C2CD3: variants seen among roughly 807,000 people sequenced by gnomAD.
The protein encoded by C2CD3 is C2 domain-containing protein 3.
A neutral mutation model predicts 234.0 loss-of-function variants in C2CD3; 148 were observed. That is an observed-to-expected ratio of 0.63 (90% CI 0.55 to 0.72). The LOEUF (loss-of-function observed/expected upper bound fraction) is 0.72, where lower values mean the gene tolerates loss of function less well. C2CD3 is among the 30% of genes least tolerant of loss of function. The pLI, the probability that C2CD3 is intolerant of heterozygous loss-of-function variation, is 0.00. For synonymous variants in C2CD3, 1,000 were observed against 1,035.4 expected (o/e 0.97, Z 0.66); for missense variants, 2,577 against 2,811.5 (o/e 0.92, Z 1.89).
Position 74,170,969 on chromosome 11 carries a change from A to G in C2CD3, c.-177T>C. 7.0e-7 allele frequency: 1 copy of G among 1,427,470 alleles called. No homozygotes were observed. The highest frequency in any genetic ancestry group is 1.4e-5 in the African/African-American group (1 of 69,844). 88.4% of individuals were successfully genotyped at this position (1,427,470 alleles called of 1,614,324 possible). A position where few individuals can be genotyped will look rare whatever the true frequency, so the allele number is the denominator to read the frequency against. ...AGTCTCCGGAAAACGGTGCGAAGAG[A>G]AGGCGCCAAGACGCCTTCCCTCCAA... On this transcript the variant is annotated 5_prime_UTR_variant, in exon 1 of 33. Transcript: ENST00000334126.
At chr11:74,144,204 T>C (rs1855004991) in intron 3 of C2CD3, among the ~76,000 whole-genome samples, 1 of 152,200 alleles carries the variant, frequency 6.6e-6, no homozygotes, top group Admixed American at 6.5e-5. Context: ...ACAAATTGGG[T>C]CCTTCTTATC....
At chr11:74,056,245 AAAC>A (rs1953943995) in intron 25 of C2CD3, among the ~76,000 whole-genome samples, 1 of 152,244 alleles carries the variant, frequency 6.6e-6, no homozygotes, top group Non-Finnish European at 1.5e-5. Context: ...GACAAGAATT[AAAC>A]TTTATAAAAG....
chr11:74,134,289 T>C (rs184615406), intron 5 of C2CD3, among the ~76,000 whole-genome samples: 45 of 152,354 alleles, frequency 3.0e-4, no homozygotes, highest in African/African-American at 1.0e-3. Flanking sequence ...CCTATGCTTT[T>C]AATTGCTATA....
In C2CD3 at chr11:74,114,732, T is replaced by C; in HGVS notation, c.1521-139A>G. 4 of 628,064 alleles carry C rather than the reference T, an allele frequency of 6.4e-6. No individual in the cohort carries two copies. In the South Asian group the frequency reaches 7.8e-5, roughly 12 times the overall value. The allele number at this position is 628,064 out of a possible 1,614,324, so 38.9% of individuals were successfully genotyped here. A position where few individuals can be genotyped will look rare whatever the true frequency, so the allele number is the denominator to read the frequency against. ...TATTTTTATTTTTGACACAGGGTGT[T>C]GCTCTGTCACCCAGGCTGGAGTGCA... On this transcript the variant is annotated intron_variant, in intron 9 of 32. Coordinates refer to ENST00000334126, the MANE Select transcript of C2CD3 (RefSeq NM_001286577.2).
At chr11:74,014,233 C>A (rs1471788075) in intron 32 of C2CD3, among the ~76,000 whole-genome samples, 1 of 152,180 alleles carries the variant, frequency 6.6e-6, no homozygotes, top group Non-Finnish European at 1.5e-5. Context: ...GAAAGCCATC[C>A]CAGACAGCTG....
Position 74,044,143 on chromosome 11 carries a change from CCTTTATATGTTCTAGATATAAGAT to C in C2CD3, c.5496-1949_5496-1926del, listed in dbSNP as rs531672341. Among the ~76,000 whole-genome samples, 208 of 152,020 alleles carry C rather than the reference CCTTTATATGTTCTAGATATAAGAT, an allele frequency of 1.4e-3. 3 individuals are homozygous for C. Among genetic ancestry groups the C allele is most frequent in the African/African-American group, 4.2e-3 (176 of 41,536 alleles). On this transcript the variant is annotated intron_variant, in intron 28 of 32. Coordinates refer to ENST00000334126, the MANE Select transcript of C2CD3 (RefSeq NM_001286577.2). ...AGGTGTGAGCCACTGCACCCAGTCC[CCTTTATATGTTCTAGATATAAGAT>C]CTATAACTGGCCGGGCACAGTGGCT...
At chr11:74,016,172 T>C (rs958551998) in intron 32 of C2CD3, among the ~76,000 whole-genome samples, 2 of 152,208 alleles carry the variant, frequency 1.3e-5, no homozygotes, top group African/African-American at 4.8e-5. Flanking sequence ...GCAGACGTGG[T>C]TCCTGTTGTC....
At position 74,115,193 on chromosome 11, in the gene C2CD3, T is replaced by TAC. The variant is rs565127325; in HGVS notation, c.1521-602_1521-601dup. Among the ~76,000 whole-genome samples the TAC allele has an allele frequency of 5.1e-3, 762 of 150,440 alleles. 7 individuals are homozygous for TAC. The highest frequency in any genetic ancestry group is 0.015 in the South Asian group (71 of 4,794). ...AATTTAAAAATACTATATAGATATA[T>TAC]ACACACACACACACACATACATACA... On this transcript the variant is annotated intron_variant, in intron 9 of 32. Coordinates refer to ENST00000334126, the MANE Select transcript of C2CD3 (RefSeq NM_001286577.2).
intron 20 of C2CD3, among the ~76,000 whole-genome samples, chr11:74,087,815 G>C (rs1164858401): frequency 1.3e-5 from 2 of 152,146 alleles, no homozygotes; most frequent in East Asian, 3.9e-4. Context: ...TAGTGAAGTA[G>C]CCTCAATTCC....
At chr11:74,092,644 C>A in intron 18 of C2CD3, 56 bp from the exon 19 acceptor site, 1 of 1,460,704 alleles carries the variant, frequency 6.8e-7, no homozygotes, top group Non-Finnish European at 9.5e-7. Flanking sequence ...ATGATTCAGT[C>A]TGCCCCACAG....
intron 3 of C2CD3, among the ~76,000 whole-genome samples, chr11:74,145,081 C>G (rs1855083168): frequency 6.6e-6 from 1 of 152,162 alleles, no homozygotes; most frequent in Non-Finnish European, 1.5e-5. Context: ...TCTTACAATA[C>G]TCAGTAGTGG....
At chr11:74,043,329 T>G (rs147598591) in intron 28 of C2CD3, among the ~76,000 whole-genome samples, 65 of 152,340 alleles carry the variant, frequency 4.3e-4, no homozygotes, top group African/African-American at 1.5e-3. Context: ...CCTTCATTCC[T>G]TTTTACAGCT....
chr11:74,086,108 G>A (rs537585516), intron 20 of C2CD3, among the ~76,000 whole-genome samples: 1 of 152,152 alleles, frequency 6.6e-6, no homozygotes, highest in Non-Finnish European at 1.5e-5. Context: ...CTGCCCATCA[G>A]AGTGACTCTG....
chr11:74,153,648 C>T (rs778301962), intron 3 of C2CD3, among the ~76,000 whole-genome samples: 4 of 152,018 alleles, frequency 2.6e-5, no homozygotes, highest in Non-Finnish European at 5.9e-5. Flanking sequence ...ACAGTATCAA[C>T]AAAAATCCCA....
chr11:74,021,533 C>T (rs1952082987), intron 32 of C2CD3, among the ~76,000 whole-genome samples: 2 of 152,136 alleles, frequency 1.3e-5, no homozygotes, highest in African/African-American at 2.4e-5. Context: ...ACCCAGCAAA[C>T]AAGGCAGAGC....
At chr11:74,135,941 G>A (rs1265245817) in intron 5 of C2CD3, among the ~76,000 whole-genome samples, 1 of 152,012 alleles carries the variant, frequency 6.6e-6, no homozygotes, top group East Asian at 1.9e-4. Context: ...TATAAAGATG[G>A]TAACAATAGA....
At chr11:74,160,897 A>C (rs952790085) in intron 3 of C2CD3, among the ~76,000 whole-genome samples, 1 of 152,212 alleles carries the variant, frequency 6.6e-6, no homozygotes, top group African/African-American at 2.4e-5. Flanking sequence ...AAATTTACAA[A>C]GTAAGCTGAA....
At chr11:74,044,389 A>G (rs2135424526) in intron 28 of C2CD3, among the ~76,000 whole-genome samples, 1 of 151,196 alleles carries the variant, frequency 6.6e-6, no homozygotes, top group East Asian at 2.0e-4. Context: ...CGGGAGGTGG[A>G]GGTTGCAGTG....
chr11:74,155,955 A>C (rs1855985643), intron 3 of C2CD3, among the ~76,000 whole-genome samples: 1 of 152,094 alleles, frequency 6.6e-6, no homozygotes, highest in Non-Finnish European at 1.5e-5. Flanking sequence ...AGCCTGGACA[A>C]CATGGCAAAA....
Sources: gnomAD v4.1 joint callset for allele counts (sites outside exome capture counted in the v4.1 genomes callset) on GRCh38, gnomAD v4.1.1 for gene constraint, MANE v1.5 for transcripts, NCBI Gene and HGNC (gene_info 2026-07-23, HGNC 2026-07-21) for gene names.